The following ASAP1 variants were observed in gnomAD, a reference collection of about 807,000 sequenced individuals.
ASAP1 encodes arf-GAP with SH3 domain, ANK repeat and PH domain-containing protein 1.
In ASAP1, 43 loss-of-function variants were observed where a neutral mutation model predicts 145.2. The ratio of observed to expected loss-of-function variants is 0.30; its 90% confidence interval spans 0.23 to 0.38. ASAP1 has a LOEUF of 0.38. Ranked by LOEUF, ASAP1 falls within the 10% of genes least tolerant of loss-of-function variation. The pLI, the probability that ASAP1 is intolerant of heterozygous loss-of-function variation, is 1.00. For missense variants in ASAP1, 1,018 were observed against 1,355.3 expected, an observed-to-expected ratio of 0.75 and a Z score of 3.91; for synonymous variants, 546 against 515.5, an observed-to-expected ratio of 1.06 and a Z score of -0.80.
chr8:130,161,504 A>G (rs2097669152), intron 11 of ASAP1, among the ~76,000 whole-genome samples: 1 of 152,222 alleles, frequency 6.6e-6, no homozygotes, highest in Non-Finnish European at 1.5e-5. Flanking sequence ...AGTATACAAC[A>G]TAAGCCCTGG....
chr8:130,381,982 A>G (rs964303666), intron 2 of ASAP1, among the ~76,000 whole-genome samples: 4 of 152,166 alleles, frequency 2.6e-5, no homozygotes, highest in African/African-American at 9.7e-5. Flanking sequence ...TAAGGTACAC[A>G]CCATCAGAAA....
chr8:130,069,794 T>G (rs1360519098), intron 27 of ASAP1: 1 of 152,148 alleles, frequency 6.6e-6, no homozygotes, highest in African/African-American at 2.4e-5. Context: ...GAGATTACAA[T>G]GAAACATATG....
chr8:130,286,241 A>G lies in ASAP1; in HGVS notation c.187-49247T>C, dbSNP rs79288449. Among the ~76,000 whole-genome samples, 578 of 152,354 alleles carry G rather than the reference A, an allele frequency of 3.8e-3. 8 individuals are homozygous for G. Among genetic ancestry groups the G allele is most frequent in the African/African-American group, 0.013 (554 of 41,580 alleles). Reference sequence around the variant, plus strand: ...ATTGCACTGTTTCTTATAAAACACTAGAAATAGGCTTTGGCGAAAACTGGG... The same window carrying G: ...ATTGCACTGTTTCTTATAAAACACTGGAAATAGGCTTTGGCGAAAACTGGG... On this transcript the variant is annotated intron_variant, in intron 3 of 29. Coordinates refer to ENST00000518721, the MANE Select transcript of ASAP1 (RefSeq NM_018482.4).
chr8:130,227,632 GTTTA>G (rs1339455031), intron 4 of ASAP1, among the ~76,000 whole-genome samples: 2 of 150,194 alleles, frequency 1.3e-5, no homozygotes, highest in Non-Finnish European at 3.0e-5. Context: ...ATGCTTATAT[GTTTA>G]TTTAATCAAT....
At chr8:130,231,343 T>C (rs986196685) in intron 4 of ASAP1, among the ~76,000 whole-genome samples, 1 of 152,168 alleles carries the variant, frequency 6.6e-6, no homozygotes, top group Non-Finnish European at 1.5e-5. Flanking sequence ...GTTTTGAAAA[T>C]ATGACTTCCA....
intron 3 of ASAP1, among the ~76,000 whole-genome samples, chr8:130,256,862 T>G (rs1206770621): frequency 6.8e-6 from 1 of 148,034 alleles, no homozygotes; most frequent in Non-Finnish European, 1.5e-5. Context: ...AAATTTCCTT[T>G]GAAAGTTTTA....
At chr8:130,127,606 G>A (rs528713682) in intron 16 of ASAP1, among the ~76,000 whole-genome samples, 2 of 152,218 alleles carry the variant, frequency 1.3e-5, no homozygotes, top group Non-Finnish European at 2.9e-5. Flanking sequence ...GGCTGGGAGT[G>A]GTGGACAGTG....
chr8:130,115,399 T>C (rs1292048345), intron 23 of ASAP1, among the ~76,000 whole-genome samples: 1 of 152,226 alleles, frequency 6.6e-6, no homozygotes, highest in Non-Finnish European at 1.5e-5. Context: ...AGCCAATTCC[T>C]TAAAAAAAAT....
At chr8:130,369,558 C>A (rs1277084614) in intron 2 of ASAP1, among the ~76,000 whole-genome samples, 1 of 152,024 alleles carries the variant, frequency 6.6e-6, no homozygotes, top group Admixed American at 6.5e-5. Context: ...TAAAAGTGGA[C>A]AAAGGGGTTA....
intron 3 of ASAP1, among the ~76,000 whole-genome samples, chr8:130,334,761 C>T (rs1824928852): frequency 6.6e-6 from 1 of 152,174 alleles, no homozygotes; most frequent in African/African-American, 2.4e-5. Flanking sequence ...ACAACATCAA[C>T]AAAAATCTCT....
intron 2 of ASAP1, among the ~76,000 whole-genome samples, chr8:130,365,371 A>G (rs1826903392): frequency 6.6e-6 from 1 of 152,238 alleles, no homozygotes. Context: ...TTTGAATTGA[A>G]CTGGCTCCCT....
chr8:130,358,104 C>T lies in ASAP1; in HGVS notation c.99G>A (p.Glu33=), dbSNP rs1826454755. The T allele has an allele frequency of 6.2e-7, 1 of 1,609,850 alleles. No homozygotes were observed. Among genetic ancestry groups the T allele is most frequent in the Non-Finnish European group, 8.5e-7 (1 of 1,178,708 alleles). The part of the protein sequence containing the change: ...DQISVSEFIA[E]TTEDYNSPTT... The stretch of plus-strand genomic sequence containing the variant: ...TGGGCGAGTTGTAGTCCTCGGTGGT[C>T]TCGGCGATGAACTCCGAGACAGAGA... Residue 33 remains glutamate, a synonymous_variant, in exon 3 of 30, where the codon GAG becomes GAA. Coordinates refer to ENST00000518721, the MANE Select transcript of ASAP1 (RefSeq NM_018482.4). This position sits in a 1 kb window ranked among gnomAD's most constrained non-coding sequence, Gnocchi z 4.1.
At chr8:130,204,949 T>C (rs11775292) in intron 5 of ASAP1, among the ~76,000 whole-genome samples, 62,992 of 152,110 alleles carry the variant, frequency 0.41, 13,424 homozygotes, top group East Asian at 0.65. Flanking sequence ...ACTTGTATAG[T>C]AAAAGTTAAC....
intron 13 of ASAP1, among the ~76,000 whole-genome samples, chr8:130,152,251 C>T (rs955593251): frequency 6.6e-6 from 1 of 152,162 alleles, no homozygotes; most frequent in African/African-American, 2.4e-5. Context: ...TATACTTTGC[C>T]ATTTCCATTC....
At chr8:130,284,159 G>A (rs572618971) in intron 3 of ASAP1, among the ~76,000 whole-genome samples, 1 of 152,242 alleles carries the variant, frequency 6.6e-6, no homozygotes, top group East Asian at 1.9e-4. Context: ...CGAATGTGTA[G>A]GGCGTCTTGA....
chr8:130,074,248 T>C (rs1242498188), intron 27 of ASAP1, among the ~76,000 whole-genome samples: 1 of 152,028 alleles, frequency 6.6e-6, no homozygotes, highest in Non-Finnish European at 1.5e-5. Flanking sequence ...ATGTATGAAA[T>C]TGGCTGGGAT....
At chr8:130,219,091 T>C (rs770486935) in intron 4 of ASAP1, among the ~76,000 whole-genome samples, 1 of 152,130 alleles carries the variant, frequency 6.6e-6, no homozygotes, top group African/African-American at 2.4e-5. Context: ...ATGTGGCATG[T>C]GCCCCAAAAT....
chr8:130,257,537 T>C (rs1441401612), intron 3 of ASAP1, among the ~76,000 whole-genome samples: 1 of 152,186 alleles, frequency 6.6e-6, no homozygotes, highest in Non-Finnish European at 1.5e-5. Context: ...TTTTGACATA[T>C]TTAGAAAATA....
intron 27 of ASAP1, among the ~76,000 whole-genome samples, chr8:130,070,918 AGAGAGAGGGG>A (rs2097443538): frequency 9.9e-5 from 3 of 30,292 alleles, no homozygotes; most frequent in Non-Finnish European, 1.7e-4. Flanking sequence ...AGAGAGGGGG[AGAGAGAGGGG>A]GAGAGAGAGG....
Sources: gnomAD v4.1 joint callset for allele counts (sites outside exome capture counted in the v4.1 genomes callset) on GRCh38, gnomAD v4.1.1 for gene constraint, Gnocchi (gnomAD v3.1) non-coding constraint, MANE v1.5 for transcripts, NCBI Gene and HGNC (gene_info 2026-07-23, HGNC 2026-07-21) for gene names.